Variants in CTDP1 observed in about 807,000 individuals in gnomAD.
The protein encoded by CTDP1 is RNA polymerase II subunit A C-terminal domain phosphatase.
A neutral mutation model predicts 91.8 loss-of-function variants in CTDP1; 47 were observed. That is an observed-to-expected ratio of 0.51 (90% CI 0.41 to 0.65). The LOEUF is 0.65. CTDP1 is among the 30% of genes least tolerant of loss of function. The probability of loss-of-function intolerance (pLI) is 0.00; values close to 1 mark genes in which losing one functional copy is unlikely to be tolerated. For synonymous variants in CTDP1, 656 were observed against 598.5 expected (o/e 1.10, Z -1.40); for missense variants, 1,272 against 1,373.7 (o/e 0.93, Z 1.17).
At chr18:79,755,900 G>A (rs56113369), downstream of CTDP1, 26,643 of 151,458 alleles carry the variant, frequency 0.18, 2,660 homozygotes, top group Non-Finnish European at 0.24. Context: ...GGGAGGGGCC[G>A]GACCGCATGC....
rs1231977979 is a variant in CTDP1 at position 79,680,143 on chromosome 18, T to A, written c.196T>A (p.Ser66Thr). ...CGCGCAGTCCTCCGGGGCCTCTCAGTCCCGTGTAGCCTCCGGGGGCTGCGT... is the reference window on the plus strand; with the variant it reads ...CGCGCAGTCCTCCGGGGCCTCTCAGACCCGTGTAGCCTCCGGGGGCTGCGT... ...ASAQSSGASQ[S>T]RVASGGCVRP... The change falls in exon 1 of 13, where the codon TCC becomes ACC. Residue 66 changes from serine to threonine, a missense_variant. Physicochemically the swap from Ser to Thr is moderately conservative, Grantham distance 58. Around this residue, in one of 3 missense-constraint regions of CTDP1, gnomAD observed 214 missense variants for 179.1 expected, o/e 1.19. Transcript: ENST00000613122. 1 of 1,428,868 alleles carries A rather than the reference T, an allele frequency of 7.0e-7. No homozygotes were observed. Among genetic ancestry groups the A allele is most frequent in the Non-Finnish European group, 9.1e-7 (1 of 1,093,386 alleles). 88.5% of individuals were successfully genotyped at this position (1,428,868 alleles called of 1,614,324 possible). A position where few individuals can be genotyped will look rare whatever the true frequency, so the allele number is the denominator to read the frequency against.
At position 79,690,783 on chromosome 18, in the gene CTDP1, C is replaced by T. The variant is rs114605690; in HGVS notation, c.315-4442C>T. On this transcript the variant is annotated intron_variant, in intron 1 of 12. Transcript: ENST00000613122. ...CTCCAGGTGTGATATCCAGGAGTGT[C>T]TCCAGCCACTACAGGAGTCCTGGGG... Among the ~76,000 whole-genome samples the T allele has an allele frequency of 4.3e-3, 656 of 152,324 alleles. 3 individuals are homozygous for T. The highest frequency in any genetic ancestry group is 0.014 in the African/African-American group (591 of 41,574).
intron 1 of CTDP1, among the ~76,000 whole-genome samples, chr18:79,682,411 GTC>G (rs2085393492): frequency 6.6e-6 from 1 of 152,196 alleles, no homozygotes; most frequent in South Asian, 2.1e-4. Flanking sequence ...CTTTGCTGAC[GTC>G]TCTCCATAGA....
chr18:79,724,236 C>G (rs2086402045), intron 10 of CTDP1, among the ~76,000 whole-genome samples: 2 of 152,320 alleles, frequency 1.3e-5, no homozygotes, highest in Middle Eastern at 6.8e-3. Flanking sequence ...TTTCAAAATT[C>G]AAAAATCCAA....
chr18:79,690,190 G>A (rs576789142), intron 1 of CTDP1, among the ~76,000 whole-genome samples: 6 of 152,320 alleles, frequency 3.9e-5, no homozygotes, highest in South Asian at 2.1e-4. Flanking sequence ...ACCTGGAGGC[G>A]ATGCTCAGAG....
chr18:79,736,036 T>C (rs2086660342), intron 11 of CTDP1: 2 of 353,698 alleles, frequency 5.7e-6, no homozygotes, highest in African/African-American at 4.1e-5. Flanking sequence ...TTCAAGCAAA[T>C]ATTCTGATTA....
At chr18:79,734,879 C>T (rs186311634) in intron 11 of CTDP1, among the ~76,000 whole-genome samples, 5 of 152,312 alleles carry the variant, frequency 3.3e-5, no homozygotes, top group South Asian at 2.1e-4. Context: ...TCCATGCCAG[C>T]GTCCCTGGGA....
At chr18:79,710,875 T>C (rs931372049) in intron 6 of CTDP1, among the ~76,000 whole-genome samples, 3 of 152,098 alleles carry the variant, frequency 2.0e-5, no homozygotes, top group African/African-American at 7.2e-5. Context: ...TGATGTTTTT[T>C]AGGAATTTAA....
At position 79,742,035 on chromosome 18, in the gene CTDP1, G is replaced by A. The variant is rs188651250; in HGVS notation, c.2747+5514G>A. ...ACATCCCAGTGGAAGAGGAAATGCC[G>A]GGAGCAGGGCTGGGGGCCCAGAGGA... On this transcript the variant is annotated intron_variant, in intron 12 of 12. Coordinates refer to ENST00000613122, the MANE Select transcript of CTDP1 (RefSeq NM_004715.5). 6.2e-4 allele frequency among the ~76,000 whole-genome samples: 95 copies of A among 152,292 alleles called. 1 individual carries two copies. In the East Asian group the frequency reaches 0.015, roughly 25 times the overall value.
chr18:79,742,133 AGG>A (rs2086791137), intron 12 of CTDP1, among the ~76,000 whole-genome samples: 1 of 130,658 alleles, frequency 7.7e-6, no homozygotes, highest in Non-Finnish European at 1.7e-5. Flanking sequence ...GGGGCAGCAG[AGG>A]AGGCATGAGG....
Position 79,697,897 on chromosome 18 carries a change from T to C in CTDP1, c.530T>C (p.Leu177Pro). 1.2e-6 allele frequency: 2 copies of C among 1,614,256 alleles called. No homozygotes were observed. The highest frequency in any genetic ancestry group is 1.7e-6 in the Non-Finnish European group (2 of 1,180,036). Residue 177 changes from leucine to proline, a missense_variant, in exon 4 of 13, where the codon CTG becomes CCG. By Grantham distance (98) the Leu-to-Pro change is moderately conservative. Transcript: ENST00000613122. ...EQLGREDQQR[L>P]HRNRKLVLMV... ...CTGGGAAGAGAAGACCAGCAGCGAC[T>C]GCACCGAAACCGGAAGCTGGTGCTC...
At chr18:79,679,344 C>A (rs1232047324), upstream of CTDP1, 2 of 445,940 alleles carry the variant, frequency 4.5e-6, no homozygotes, top group East Asian at 7.1e-5. Flanking sequence ...TCTGGGCCCG[C>A]GGCGCGCAAG....
chr18:79,680,361 C>G, intron 1 of CTDP1, 100 bp downstream of exon 1: 1 of 975,040 alleles, frequency 1.0e-6, no homozygotes. Context: ...AGGGGCGCCC[C>G]TGGTGAGGGA....
intron 4 of CTDP1, among the ~76,000 whole-genome samples, chr18:79,700,114 C>T (rs1189275642): frequency 2.0e-5 from 3 of 152,174 alleles, no homozygotes; most frequent in African/African-American, 4.8e-5. Flanking sequence ...CTGTCTCTGT[C>T]CCGGTGCTCA....
intron 12 of CTDP1, among the ~76,000 whole-genome samples, chr18:79,740,799 T>C (rs2086760750): frequency 6.6e-6 from 1 of 152,222 alleles, no homozygotes; most frequent in Non-Finnish European, 1.5e-5. Flanking sequence ...AGATGCCTGT[T>C]CTATATGCAG....
At chr18:79,746,835 G>A (rs961731073) in intron 12 of CTDP1, among the ~76,000 whole-genome samples, 4 of 152,140 alleles carry the variant, frequency 2.6e-5, no homozygotes, top group African/African-American at 9.7e-5. Context: ...TGCCCATTGA[G>A]ACCAGCCTGG....
At chr18:79,723,300 C>T (rs1259903377) in intron 10 of CTDP1, among the ~76,000 whole-genome samples, 2 of 152,144 alleles carry the variant, frequency 1.3e-5, no homozygotes, top group Non-Finnish European at 2.9e-5. Flanking sequence ...GGCCCCAGGC[C>T]TCATATGTTG....
chr18:79,676,805 C>T (rs1354130982), upstream of CTDP1, among the ~76,000 whole-genome samples: 3 of 152,154 alleles, frequency 2.0e-5, no homozygotes, highest in Non-Finnish European at 2.9e-5. Flanking sequence ...CACTTTCTTC[C>T]CAATAAATGT....
At position 79,729,347 on chromosome 18, in the gene CTDP1, G is replaced by A. The variant is rs117702331; in HGVS notation, c.2580+278G>A. On this transcript the variant is annotated intron_variant, in intron 11 of 12. Transcript: ENST00000613122. ...TCGTGCCTGCGTCTTCACCAGGACC[G>A]ATGCCGCCCAGCCCCTCCGGCTCTC... Among the ~76,000 whole-genome samples, 16 of 152,342 alleles carry A rather than the reference G, an allele frequency of 1.1e-4. No homozygotes were observed. In the East Asian group the frequency reaches 2.5e-3, roughly 24 times the overall value.
Sources: gnomAD v4.1 joint callset for allele counts (sites outside exome capture counted in the v4.1 genomes callset) on GRCh38, gnomAD v4.1.1 for gene constraint, gnomAD v4.1.1 regional missense constraint, MANE v1.5 for transcripts, NCBI Gene and HGNC (gene_info 2026-07-23, HGNC 2026-07-21) for gene names.